The following SHISA9 variants were observed in gnomAD, a reference collection of about 807,000 sequenced individuals.
SHISA9 encodes protein shisa-9.
SHISA9 carries 13 observed loss-of-function variants against 38.0 expected under a neutral mutation model. The ratio of observed to expected loss-of-function variants is 0.34; its 90% confidence interval spans 0.22 to 0.54. The LOEUF is 0.54. SHISA9 is among the 20% of genes least tolerant of loss of function. The pLI is 0.91. For missense variants in SHISA9, 538 were observed against 575.8 expected (o/e 0.93, Z 0.67); for synonymous variants, 275 against 242.0 (o/e 1.14, Z -1.27).
At chr16:13,167,002 T>C (rs903661990) in intron 2 of SHISA9, among the ~76,000 whole-genome samples, 10 of 151,930 alleles carry the variant, frequency 6.6e-5, no homozygotes, top group African/African-American at 2.4e-4. Context: ...TTTTTTAAGA[T>C]TTTTTTTCCT....
the SHISA9 span, among the ~76,000 whole-genome samples, chr16:13,354,111 T>A: frequency 6.7e-6 from 1 of 149,182 alleles, no homozygotes; most frequent in Admixed American, 6.7e-5. Context: ...GTGGGGCAAA[T>A]CCTCGAGCTT....
At chr16:12,941,224 G>A (rs893830276) in intron 2 of SHISA9, among the ~76,000 whole-genome samples, 6 of 152,056 alleles carry the variant, frequency 3.9e-5, no homozygotes, top group Non-Finnish European at 7.4e-5. Context: ...TGTGGTGTGT[G>A]CCTGTAATCC....
intron 4 of SHISA9, among the ~76,000 whole-genome samples, chr16:13,228,544 G>A (rs1207678689): frequency 6.6e-6 from 1 of 152,166 alleles, no homozygotes; most frequent in Non-Finnish European, 1.5e-5. Flanking sequence ...TCTGGAAAGA[G>A]GAACATGGGA....
the SHISA9 span, among the ~76,000 whole-genome samples, chr16:13,387,135 A>G: frequency 1.3e-5 from 2 of 152,240 alleles, no homozygotes; most frequent in African/African-American, 4.8e-5. Context: ...CTGTACATTT[A>G]CATAGAATTT....
At chr16:13,095,569 C>T (rs1480015460) in intron 2 of SHISA9, among the ~76,000 whole-genome samples, 3 of 152,204 alleles carry the variant, frequency 2.0e-5, no homozygotes, top group African/African-American at 7.2e-5. Context: ...ATATTTGCCA[C>T]ATATGAAGGA....
the SHISA9 span, among the ~76,000 whole-genome samples, chr16:13,277,906 T>C: frequency 6.6e-6 from 1 of 152,052 alleles, no homozygotes; most frequent in South Asian, 2.1e-4. Flanking sequence ...ATGCCCTTTT[T>C]TTCTTTCCCT....
chr16:12,994,941 G>A (rs960133849), intron 2 of SHISA9, among the ~76,000 whole-genome samples: 7 of 152,274 alleles, frequency 4.6e-5, no homozygotes, highest in African/African-American at 1.7e-4. Context: ...ATGAATATAT[G>A]TGTTTTGGGC....
chr16:13,388,496 G>C, the SHISA9 span, among the ~76,000 whole-genome samples: 1 of 151,922 alleles, frequency 6.6e-6, no homozygotes, highest in East Asian at 1.9e-4. Flanking sequence ...ATTTTTAGTA[G>C]AGACAGGTTT....
At chr16:13,261,131 T>C in the SHISA9 span, among the ~76,000 whole-genome samples, 36 of 152,204 alleles carry the variant, frequency 2.4e-4, no homozygotes, top group East Asian at 7.7e-4. Context: ...GCAATTCAAG[T>C]TGAGATTTGG....
the SHISA9 span, among the ~76,000 whole-genome samples, chr16:13,347,240 T>C: frequency 2.0e-5 from 3 of 152,208 alleles, no homozygotes; most frequent in African/African-American, 7.2e-5. Flanking sequence ...AGTATACTTA[T>C]TTAATTCTTA....
chr16:13,432,483 T>C, the SHISA9 span, among the ~76,000 whole-genome samples: 1 of 152,184 alleles, frequency 6.6e-6, no homozygotes, highest in East Asian at 1.9e-4. Context: ...ATTCCAGAGT[T>C]TGCATTCTAG....
At chr16:13,131,208 T>C (rs2050303666) in intron 2 of SHISA9, among the ~76,000 whole-genome samples, 2 of 152,100 alleles carry the variant, frequency 1.3e-5, no homozygotes, top group Non-Finnish European at 2.9e-5. Flanking sequence ...GACATGGAAT[T>C]AACACAAATG....
chr16:13,537,600 A>G, the SHISA9 span, among the ~76,000 whole-genome samples: 1 of 152,210 alleles, frequency 6.6e-6, no homozygotes, highest in Admixed American at 6.5e-5. Context: ...CGTGGTTACC[A>G]GGCAGTGAGG....
rs1024496744 is a variant in SHISA9, at chr16:13,208,657, G to A, written c.848-4596G>A. On this transcript the variant is annotated intron_variant, in intron 3 of 4. Coordinates refer to ENST00000558583, the MANE Select transcript of SHISA9 (RefSeq NM_001145204.3). ...CTGCCCAGCTCTTGGTAAAATATTA[G>A]CACACACTGGGGAATTGTTAGTGGC... 2.6e-5 allele frequency among the ~76,000 whole-genome samples: 4 copies of A among 152,022 alleles called. No homozygotes were observed. In the East Asian group the frequency reaches 5.8e-4, roughly 22 times the overall value.
intron 2 of SHISA9, among the ~76,000 whole-genome samples, chr16:13,069,505 T>C (rs2073484818): frequency 6.6e-6 from 1 of 152,086 alleles, no homozygotes; most frequent in Non-Finnish European, 1.5e-5. Flanking sequence ...TGCATGTGTA[T>C]ATGTGTATAC....
the SHISA9 span, among the ~76,000 whole-genome samples, chr16:13,340,954 C>T: frequency 6.6e-6 from 1 of 152,200 alleles, no homozygotes; most frequent in Non-Finnish European, 1.5e-5. Flanking sequence ...CTGACTGGGT[C>T]AAATTTGTCT....
the SHISA9 span, among the ~76,000 whole-genome samples, chr16:13,262,275 G>C: frequency 6.6e-6 from 1 of 152,240 alleles, no homozygotes; most frequent in Non-Finnish European, 1.5e-5. Flanking sequence ...ATGAGAGGCA[G>C]CTGAGCACCT....
intron 2 of SHISA9, among the ~76,000 whole-genome samples, chr16:13,000,001 C>T (rs35851180): frequency 0.19 from 29,019 of 152,162 alleles, 3,599 homozygotes; most frequent in Middle Eastern, 0.33. Flanking sequence ...GTCTGCCATT[C>T]GTCTTGAATT....
chr16:13,219,607 G>A (rs2142072265), intron 4 of SHISA9, among the ~76,000 whole-genome samples: 1 of 152,242 alleles, frequency 6.6e-6, no homozygotes, highest in South Asian at 2.1e-4. Flanking sequence ...GCCCACCTCT[G>A]AACAAATTTG....
Sources: allele counts gnomAD v4.1 joint callset (sites outside exome capture counted in the v4.1 genomes callset), GRCh38; gene constraint gnomAD v4.1.1; transcripts MANE v1.5; gene names NCBI Gene and HGNC (gene_info 2026-07-23, HGNC 2026-07-21).